FMN2: variants seen among roughly 807,000 people sequenced by gnomAD.
The protein encoded by FMN2 is formin-2.
A neutral mutation model predicts 142.3 loss-of-function variants in FMN2; 51 were observed. That is an observed-to-expected ratio of 0.36 (90% confidence interval 0.29 to 0.45). FMN2 has a LOEUF of 0.45. Among genes scored for constraint, FMN2 ranks in the 20% least tolerant of loss-of-function variants. FMN2 has a pLI of 1.00. For synonymous variants in FMN2, 882 were observed against 869.8 expected, an observed-to-expected ratio of 1.01 and a Z score of -0.25; for missense variants, 1,936 against 2,122.8, an observed-to-expected ratio of 0.91 and a Z score of 1.73.
intron 14 of FMN2, among the ~76,000 whole-genome samples, chr1:240,387,981 T>C (rs953766861): frequency 6.6e-6 from 1 of 151,580 alleles, no homozygotes; most frequent in Admixed American, 6.6e-5. Context: ...ATCGAGACCA[T>C]CCTGGCTAAC....
intron 16 of FMN2, among the ~76,000 whole-genome samples, chr1:240,455,549 C>T (rs2103218783): frequency 6.6e-6 from 1 of 152,278 alleles, no homozygotes; most frequent in Non-Finnish European, 1.5e-5. Flanking sequence ...TTAGAAATTA[C>T]TGCTATTACT....
intron 14 of FMN2, among the ~76,000 whole-genome samples, chr1:240,368,365 C>G (rs1672752265): frequency 1.3e-5 from 2 of 152,124 alleles, no homozygotes; most frequent in African/African-American, 4.8e-5. Flanking sequence ...GAACATGGTA[C>G]AGACTAGTGT....
chr1:240,377,355 C>A (rs1264099605), intron 14 of FMN2, among the ~76,000 whole-genome samples: 2 of 148,368 alleles, frequency 1.3e-5, no homozygotes, highest in Non-Finnish European at 3.0e-5. Context: ...GTTCTTTTGT[C>A]TTGTGTTTGC....
At chr1:240,452,174 G>A (rs1005039747) in intron 16 of FMN2, among the ~76,000 whole-genome samples, 1 of 152,108 alleles carries the variant, frequency 6.6e-6, no homozygotes, top group African/African-American at 2.4e-5. Flanking sequence ...CTGGGCGACA[G>A]AGCAAGACTC....
chr1:240,261,877 AC>A (rs1388682584), intron 7 of FMN2, among the ~76,000 whole-genome samples: 1 of 152,054 alleles, frequency 6.6e-6, no homozygotes, highest in Non-Finnish European at 1.5e-5. Flanking sequence ...AAAAAATCTC[AC>A]CCTGTGGTTT....
chr1:240,158,767 C>T (rs1043834303), intron 2 of FMN2, among the ~76,000 whole-genome samples: 7 of 152,126 alleles, frequency 4.6e-5, no homozygotes, highest in African/African-American at 1.4e-4. Context: ...TTTGTCCACA[C>T]TCTCATAAAG....
chr1:240,258,745 A>G (rs925020125), intron 7 of FMN2, among the ~76,000 whole-genome samples: 2 of 152,320 alleles, frequency 1.3e-5, no homozygotes, highest in Admixed American at 1.3e-4. Flanking sequence ...TATGATATTT[A>G]TGCTGAGAGA....
chr1:240,317,588 A>G (rs905355593), intron 8 of FMN2, among the ~76,000 whole-genome samples: 1 of 152,098 alleles, frequency 6.6e-6, no homozygotes, highest in Non-Finnish European at 1.5e-5. Context: ...ATTTCATTTT[A>G]TTGTTGAGTA....
chr1:240,161,356 C>A (rs1323064161), intron 2 of FMN2, among the ~76,000 whole-genome samples: 1 of 151,930 alleles, frequency 6.6e-6, no homozygotes, highest in African/African-American at 2.4e-5. Flanking sequence ...CAAGGTGAAA[C>A]CCTGTCTCTA....
At chr1:240,345,689 G>A (rs1283023511) in intron 13 of FMN2, among the ~76,000 whole-genome samples, 2 of 152,016 alleles carry the variant, frequency 1.3e-5, no homozygotes, top group African/African-American at 2.4e-5. Flanking sequence ...CGCTGTGTTG[G>A]CCAGGCTGGA....
intron 7 of FMN2, among the ~76,000 whole-genome samples, chr1:240,268,733 A>G (rs771544499): frequency 6.6e-6 from 1 of 151,776 alleles, no homozygotes; most frequent in Admixed American, 6.6e-5. Context: ...TTTTTTGCTG[A>G]TGGCCATTCT....
intron 2 of FMN2, chr1:240,170,738 G>C (rs1426016112): frequency 4.0e-6 from 6 of 1,490,948 alleles, no homozygotes; most frequent in Non-Finnish European, 5.6e-6. Flanking sequence ...GTCAAGGTGG[G>C]GCCTGGCTCT....
intron 7 of FMN2, among the ~76,000 whole-genome samples, chr1:240,264,440 G>A (rs988576051): frequency 1.3e-5 from 2 of 152,054 alleles, no homozygotes; most frequent in African/African-American, 2.4e-5. Flanking sequence ...GTGCAGATTT[G>A]CTACATAGGT....
chr1:240,336,553 C>CAAAAAAAAAAAAAAAA (rs552135436), intron 13 of FMN2, among the ~76,000 whole-genome samples: 1 of 50,492 alleles, frequency 2.0e-5, no homozygotes, highest in East Asian at 2.0e-3. Context: ...TGGTATTCTC[C>CAAAAAAAAAAAAAAAA]AAAAAAAAAA....
At chr1:240,214,137 C>T (rs1458932383) in intron 6 of FMN2, among the ~76,000 whole-genome samples, 1 of 152,164 alleles carries the variant, frequency 6.6e-6, no homozygotes, top group African/African-American at 2.4e-5. Flanking sequence ...TGAGAAGGTA[C>T]ATAGAAGTTT....
At chr1:240,400,132 A>G (rs1036326817) in intron 15 of FMN2, among the ~76,000 whole-genome samples, 1 of 152,206 alleles carries the variant, frequency 6.6e-6, no homozygotes, top group Non-Finnish European at 1.5e-5. Flanking sequence ...CAGAGAGATC[A>G]AGGGAAGAAG....
chr1:240,373,140 C>T (rs1672928932), intron 14 of FMN2, among the ~76,000 whole-genome samples: 2 of 151,414 alleles, frequency 1.3e-5, no homozygotes, highest in Admixed American at 6.6e-5. Flanking sequence ...GCCGAGATCT[C>T]ACCACTGCAC....
At chr1:240,392,116 T>G (rs1486369791) in intron 14 of FMN2, among the ~76,000 whole-genome samples, 1 of 99,098 alleles carries the variant, frequency 1.0e-5, no homozygotes, top group Non-Finnish European at 1.9e-5. Context: ...CTGTTTAGGG[T>G]TTTTTTTTTT....
chr1:240,471,228 A>G (rs189238618), intron 16 of FMN2, among the ~76,000 whole-genome samples: 44 of 152,352 alleles, frequency 2.9e-4, no homozygotes, highest in South Asian at 4.1e-4. Context: ...TTATCAAATG[A>G]TTGGTTCCCA....
Sources: allele counts gnomAD v4.1 joint callset (sites outside exome capture counted in the v4.1 genomes callset), GRCh38; gene constraint gnomAD v4.1.1; transcripts MANE v1.5; gene names NCBI Gene and HGNC (gene_info 2026-07-23, HGNC 2026-07-21).